EML6: variants seen among roughly 807,000 people sequenced by gnomAD.
The protein encoded by EML6 is echinoderm microtubule-associated protein-like 6.
EML6 carries 154 observed loss-of-function variants against 240.1 expected under a neutral mutation model. The observed-to-expected ratio is 0.64, with a 90% CI of 0.56 to 0.73. EML6 has a LOEUF of 0.73. EML6 is among the 30% of genes least tolerant of loss of function. The probability of loss-of-function intolerance (pLI) is 0.00; values close to 1 mark genes in which losing one functional copy is unlikely to be tolerated. For synonymous variants in EML6, 1,148 were observed against 899.0 expected, an observed-to-expected ratio of 1.28 and a Z score of -4.95; for missense variants, 2,964 against 2,474.6, an observed-to-expected ratio of 1.20 and a Z score of -4.20.
chr2:54,921,928 A>G (rs1674278051), intron 26 of EML6, among the ~76,000 whole-genome samples: 1 of 152,156 alleles, frequency 6.6e-6, no homozygotes, highest in African/African-American at 2.4e-5. Flanking sequence ...AATTAACCCA[A>G]AGTGGATTAA....
intron 2 of EML6, among the ~76,000 whole-genome samples, chr2:54,807,224 C>T (rs540112960): frequency 1.3e-5 from 2 of 151,988 alleles, no homozygotes; most frequent in Non-Finnish European, 2.9e-5. Context: ...TCTGGTTCAG[C>T]AAAGAAGTTG....
chr2:54,828,491 G>A (rs6723508), intron 6 of EML6, among the ~76,000 whole-genome samples: 29,359 of 152,158 alleles, frequency 0.19, 3,594 homozygotes, highest in African/African-American at 0.34. Context: ...GAAATGGTAA[G>A]CCTTTAGCTT....
At chr2:54,868,397 A>G (rs572767825) in intron 14 of EML6, 13 of 152,216 alleles carry the variant, frequency 8.5e-5, no homozygotes, top group East Asian at 5.8e-4. Flanking sequence ...AGATCTGTGC[A>G]TTTATATTAC....
At chr2:54,953,931 T>C (rs1676108094) in intron 31 of EML6, 52 bp from the exon 32 acceptor site, 3 of 1,406,542 alleles carry the variant, frequency 2.1e-6, no homozygotes, top group Non-Finnish European at 2.9e-6. Context: ...AGCATCGCCT[T>C]GGCTCTGCCA....
intron 2 of EML6, among the ~76,000 whole-genome samples, chr2:54,795,874 G>A (rs1395575417): frequency 6.6e-6 from 1 of 152,078 alleles, no homozygotes; most frequent in Non-Finnish European, 1.5e-5. Flanking sequence ...AAGAACAGTG[G>A]TACTCATTCA....
intron 2 of EML6, among the ~76,000 whole-genome samples, chr2:54,799,860 A>G (rs1457889349): frequency 6.6e-6 from 1 of 152,246 alleles, no homozygotes; most frequent in Admixed American, 6.5e-5. Context: ...GTTTGTTACT[A>G]GATAGAGCTC....
In EML6 at chr2:54,927,923, G is replaced by A. The variant is rs7569456; in HGVS notation, c.3676-390G>A. Among the ~76,000 whole-genome samples, 851 of 152,302 alleles carry A rather than the reference G, an allele frequency of 5.6e-3. 3 individuals carry two copies. Among genetic ancestry groups the A allele is most frequent in the Middle Eastern group, 0.014 (4 of 294 alleles). ...GACTGTAGTACAAAAGTCACTGTAGGAGATGGCTGTGAAGACACTTTTGAT... is the reference window on the plus strand; with the variant it reads ...GACTGTAGTACAAAAGTCACTGTAGAAGATGGCTGTGAAGACACTTTTGAT... On this transcript the variant is annotated intron_variant, in intron 26 of 41. Transcript: ENST00000356458.
At chr2:54,861,413 G>A (rs572864080) in intron 12 of EML6, among the ~76,000 whole-genome samples, 2 of 152,302 alleles carry the variant, frequency 1.3e-5, no homozygotes, top group South Asian at 4.1e-4. Context: ...GGATCAGAGG[G>A]TACAGCCTAA....
chr2:54,847,173 G>A (rs954653127), intron 8 of EML6, among the ~76,000 whole-genome samples: 1 of 152,132 alleles, frequency 6.6e-6, no homozygotes, highest in Admixed American at 6.5e-5. Context: ...CTCCCAAAGT[G>A]CTGGGATGAC....
At chr2:54,823,983 C>T (rs1007079967) in intron 5 of EML6, among the ~76,000 whole-genome samples, 30 of 151,716 alleles carry the variant, frequency 2.0e-4, no homozygotes, top group Admixed American at 9.9e-4. Context: ...ATGTTAATTT[C>T]GTTCCCCATT....
At chr2:54,888,615 A>T (rs1315389557) in intron 17 of EML6, among the ~76,000 whole-genome samples, 1 of 152,126 alleles carries the variant, frequency 6.6e-6, no homozygotes, top group Non-Finnish European at 1.5e-5. Context: ...GGAACTATAT[A>T]GTATGTAGTC....
intron 24 of EML6, among the ~76,000 whole-genome samples, chr2:54,906,574 C>T (rs1488525222): frequency 6.6e-6 from 1 of 152,158 alleles, no homozygotes; most frequent in Non-Finnish European, 1.5e-5. Context: ...TTTGAAAAGC[C>T]ACCATGCTTC....
chr2:54,916,664 C>T, intron 25 of EML6, 95 bp from the exon 26 acceptor site: 2 of 1,026,504 alleles, frequency 1.9e-6, no homozygotes, highest in South Asian at 2.5e-5. Context: ...CTAACGTTGG[C>T]AAAGTAATTT....
chr2:54,943,395 A>G (rs1675528482), intron 28 of EML6, among the ~76,000 whole-genome samples: 1 of 152,112 alleles, frequency 6.6e-6, no homozygotes, highest in African/African-American at 2.4e-5. Flanking sequence ...GTCCTCAACC[A>G]AAAAATACAT....
intron 26 of EML6, among the ~76,000 whole-genome samples, chr2:54,926,226 C>T (rs764144713): frequency 2.0e-5 from 3 of 152,174 alleles, no homozygotes; most frequent in Non-Finnish European, 2.9e-5. Flanking sequence ...CTCAGCCTCC[C>T]AAGTAGCTTG....
intron 26 of EML6, among the ~76,000 whole-genome samples, chr2:54,922,480 G>A (rs1221183087): frequency 1.3e-5 from 2 of 152,066 alleles, no homozygotes; most frequent in Admixed American, 6.6e-5. Flanking sequence ...TATGGAAAAC[G>A]ATATGGAGGT....
At chr2:54,852,166 G>A (rs1019970568) in intron 10 of EML6, among the ~76,000 whole-genome samples, 3 of 152,148 alleles carry the variant, frequency 2.0e-5, no homozygotes, top group African/African-American at 4.8e-5. Flanking sequence ...GTTATTTGGT[G>A]AAATGTGCCC....
At chr2:54,816,749 A>G (rs1169849295) in intron 3 of EML6, 38 bp from the exon 4 acceptor site, 1 of 1,412,696 alleles carries the variant, frequency 7.1e-7, no homozygotes, top group East Asian at 2.5e-5. Context: ...AAGTCTTCCC[A>G]TCACTTTTAG....
At chr2:54,910,298 TGTA>T (rs1412686095) in intron 24 of EML6, among the ~76,000 whole-genome samples, 2 of 152,232 alleles carry the variant, frequency 1.3e-5, no homozygotes, top group African/African-American at 4.8e-5. Context: ...TTGTTGCCAT[TGTA>T]GGAGGAGAAT....
Sources: gnomAD v4.1 joint callset for allele counts (sites outside exome capture counted in the v4.1 genomes callset) on GRCh38, gnomAD v4.1.1 for gene constraint, MANE v1.5 for transcripts, NCBI Gene and HGNC (gene_info 2026-07-23, HGNC 2026-07-21) for gene names.